LYN: variants seen among roughly 807,000 people sequenced by gnomAD.
The protein encoded by LYN is LYN proto-oncogene, Src family tyrosine kinase, also known as tyrosine-protein kinase Lyn.
LYN carries 12 observed loss-of-function variants against 65.0 expected under a neutral mutation model. The observed-to-expected ratio is 0.18, with a 90% CI of 0.12 to 0.30. The LOEUF (loss-of-function observed/expected upper bound fraction) is 0.30. Ranked by LOEUF, LYN falls within the 10% of genes least tolerant of loss-of-function variation. The pLI is 1.00. For missense variants in LYN, 380 were observed against 623.2 expected, an observed-to-expected ratio of 0.61 and a Z score of 4.16; for synonymous variants, 222 against 221.2, an observed-to-expected ratio of 1.00 and a Z score of -0.03.
At chr8:55,988,624 G>A (rs1808152220) in intron 10 of LYN, among the ~76,000 whole-genome samples, 1 of 152,098 alleles carries the variant, frequency 6.6e-6, no homozygotes, top group Admixed American at 6.5e-5. Context: ...AGGAAAATCA[G>A]ATCTTCATTT....
At chr8:55,911,041 C>T (rs1201272244) in intron 1 of LYN, among the ~76,000 whole-genome samples, 3 of 140,264 alleles carry the variant, frequency 2.1e-5, no homozygotes, top group Admixed American at 1.5e-4. Flanking sequence ...GGCCTACAGG[C>T]GCCCACCTCC....
intron 1 of LYN, among the ~76,000 whole-genome samples, chr8:55,895,360 A>G (rs553018043): frequency 5.3e-5 from 8 of 152,314 alleles, no homozygotes; most frequent in Admixed American, 5.2e-4. Flanking sequence ...ACTTGGCTGG[A>G]TTCCTTACTA....
At chr8:55,909,914 A>G (rs1016615378) in intron 1 of LYN, among the ~76,000 whole-genome samples, 4 of 149,224 alleles carry the variant, frequency 2.7e-5, no homozygotes, top group Admixed American at 2.7e-4. Flanking sequence ...GGCTATTTGT[A>G]TGTATTTTTT....
intron 1 of LYN, among the ~76,000 whole-genome samples, chr8:55,934,231 AAAG>A (rs1181792915): frequency 7.9e-5 from 12 of 152,270 alleles, no homozygotes; most frequent in African/African-American, 2.7e-4. Flanking sequence ...TCTCAAAAAA[AAAG>A]AAGGAGCTTC....
At chr8:55,892,770 T>C (rs114077541) in intron 1 of LYN, among the ~76,000 whole-genome samples, 171 of 152,318 alleles carry the variant, frequency 1.1e-3, no homozygotes, top group African/African-American at 4.0e-3. Flanking sequence ...TTTAAAAAGT[T>C]TTCCCAATGC....
At chr8:55,921,585 G>A (rs114645669) in intron 1 of LYN, among the ~76,000 whole-genome samples, 3 of 152,274 alleles carry the variant, frequency 2.0e-5, no homozygotes, top group South Asian at 2.1e-4. Flanking sequence ...TTTGAGTTAC[G>A]TTTGGAAGAC....
At chr8:55,898,132 C>G (rs1009566628) in intron 1 of LYN, among the ~76,000 whole-genome samples, 2 of 150,858 alleles carry the variant, frequency 1.3e-5, no homozygotes, top group East Asian at 1.9e-4. Flanking sequence ...CACCCTCCCC[C>G]CAAAAAAAAA....
chr8:55,885,987 G>T (rs1804781845), intron 1 of LYN, among the ~76,000 whole-genome samples: 1 of 152,138 alleles, frequency 6.6e-6, no homozygotes, highest in Non-Finnish European at 1.5e-5. Flanking sequence ...GAGCAGTCTA[G>T]AGTCTTAAGG....
intron 4 of LYN, among the ~76,000 whole-genome samples, chr8:55,949,695 G>A (rs1806886732): frequency 6.6e-6 from 1 of 152,124 alleles, no homozygotes. Context: ...CTTTCTTTGT[G>A]TTGTGAACAT....
At chr8:55,967,331 TG>T (rs375943358) in intron 9 of LYN, among the ~76,000 whole-genome samples, 7,075 of 74,954 alleles carry the variant, frequency 0.094, 574 homozygotes, top group African/African-American at 0.17. Context: ...TTTTTTTTTT[TG>T]GAAACAGAGT....
chr8:56,004,912 G>T (rs1343321029), intron 12 of LYN, among the ~76,000 whole-genome samples: 1 of 152,084 alleles, frequency 6.6e-6, no homozygotes, highest in East Asian at 1.9e-4. Context: ...AGCCTCCTGA[G>T]TAGCTAGGAC....
chr8:55,904,258 G>A (rs1295458221), intron 1 of LYN, among the ~76,000 whole-genome samples: 1 of 152,156 alleles, frequency 6.6e-6, no homozygotes, highest in East Asian at 1.9e-4. Flanking sequence ...TATGGCTATA[G>A]TGTAACCAAA....
At chr8:55,968,223 A>G (rs999902353) in intron 9 of LYN, among the ~76,000 whole-genome samples, 6 of 152,158 alleles carry the variant, frequency 3.9e-5, no homozygotes, top group African/African-American at 1.4e-4. Context: ...AGGTATAAAT[A>G]TGAGTTTTCC....
chr8:55,886,592 T>C lies in LYN; in HGVS notation c.-6+6489T>C, dbSNP rs1047480219. 2.0e-5 allele frequency among the ~76,000 whole-genome samples: 3 copies of C among 152,202 alleles called. No individual in the cohort carries two copies. The East Asian group carries it at 5.8e-4, about 29-fold the overall frequency. ...AACCCATAGCAAGAAACATTTTACC[T>C]TGTGCTCAAATACACATATCTGTAG... is the stretch of plus-strand genomic sequence containing the variant. On this transcript the variant is annotated intron_variant, in intron 1 of 12. Coordinates refer to ENST00000519728, the MANE Select transcript of LYN (RefSeq NM_002350.4).
At chr8:55,966,934 T>C in intron 9 of LYN, 37 bp downstream of exon 9, 1 of 1,581,006 alleles carries the variant, frequency 6.3e-7, no homozygotes, top group Non-Finnish European at 8.6e-7. Context: ...TGCAAGGGCT[T>C]CAAACTCAAA....
intron 2 of LYN, among the ~76,000 whole-genome samples, chr8:55,942,668 C>A (rs1041385054): frequency 4.6e-5 from 7 of 151,130 alleles, no homozygotes; most frequent in African/African-American, 1.5e-4. Context: ...GCCTGTAATC[C>A]CAGCTACTCA....
At chr8:55,896,982 C>T (rs574803035) in intron 1 of LYN, among the ~76,000 whole-genome samples, 2 of 152,278 alleles carry the variant, frequency 1.3e-5, no homozygotes, top group South Asian at 2.1e-4. Context: ...TTAGGTGATC[C>T]GCCTGCCTTG....
intron 10 of LYN, among the ~76,000 whole-genome samples, chr8:55,972,441 C>G (rs935046365): frequency 7.2e-5 from 11 of 152,164 alleles, no homozygotes; most frequent in Admixed American, 5.9e-4. Flanking sequence ...GGGTCTTACC[C>G]TTGGCAACAA....
chr8:55,917,044 G>A (rs187702937), intron 1 of LYN, among the ~76,000 whole-genome samples: 31 of 152,070 alleles, frequency 2.0e-4, no homozygotes, highest in African/African-American at 7.0e-4. Flanking sequence ...AGGCGCCGTG[G>A]TGCATGCCAG....
Sources: allele counts gnomAD v4.1 joint callset (sites outside exome capture counted in the v4.1 genomes callset), GRCh38; gene constraint gnomAD v4.1.1; transcripts MANE v1.5; gene names NCBI Gene and HGNC (gene_info 2026-07-23, HGNC 2026-07-21).